Variants in FOXJ3 observed in about 807,000 individuals in gnomAD.
The protein encoded by FOXJ3 is forkhead box protein J3.
Under a neutral mutation model 76.1 loss-of-function variants are expected in FOXJ3, and 22 were observed. The ratio of observed to expected loss-of-function variants is 0.29; its 90% CI spans 0.21 to 0.41. The LOEUF is 0.41. FOXJ3 is among the 10% of genes least tolerant of loss of function. FOXJ3 has a pLI of 1.00. For missense variants in FOXJ3, 613 were observed against 762.1 expected, an observed-to-expected ratio of 0.80 and a Z score of 2.30; for synonymous variants, 269 against 261.2, an observed-to-expected ratio of 1.03 and a Z score of -0.29.
intron 1 of FOXJ3, among the ~76,000 whole-genome samples, chr1:42,331,217 A>G (rs1028603153): frequency 6.6e-6 from 1 of 152,100 alleles, no homozygotes; most frequent in Non-Finnish European, 1.5e-5. Context: ...CCTCGTCTCC[A>G]CTAAAAACGC....
chr1:42,188,959 A>G (rs766450799), intron 10 of FOXJ3, 31 bp from the exon 11 acceptor site: 6 of 1,399,188 alleles, frequency 4.3e-6, no homozygotes, highest in South Asian at 1.3e-5. Flanking sequence ...ATATGTTAGC[A>G]CTGTTATGCA....
intron 4 of FOXJ3, among the ~76,000 whole-genome samples, chr1:42,247,411 T>C (rs980267477): frequency 2.0e-5 from 3 of 152,096 alleles, no homozygotes; most frequent in Non-Finnish European, 4.4e-5. Flanking sequence ...CTAAAATATA[T>C]AAAGAACTCT....
At chr1:42,207,890 T>G (rs1646891790) in intron 5 of FOXJ3, among the ~76,000 whole-genome samples, 2 of 152,194 alleles carry the variant, frequency 1.3e-5, no homozygotes. Context: ...TATTTATGCC[T>G]CAGTTTTGGT....
intron 8 of FOXJ3, among the ~76,000 whole-genome samples, chr1:42,193,683 AG>A (rs1387668435): frequency 2.6e-5 from 4 of 152,234 alleles, no homozygotes; most frequent in African/African-American, 9.6e-5. Flanking sequence ...ATTAACTGAC[AG>A]TAAGTATTAA....
intron 2 of FOXJ3, among the ~76,000 whole-genome samples, chr1:42,280,895 T>C (rs1652658084): frequency 1.3e-5 from 2 of 152,228 alleles, no homozygotes; most frequent in Non-Finnish European, 2.9e-5. Flanking sequence ...TCAATAAAGA[T>C]TGGCTATTTT....
At chr1:42,217,203 C>T (rs1458772829) in intron 5 of FOXJ3, among the ~76,000 whole-genome samples, 1 of 152,100 alleles carries the variant, frequency 6.6e-6, no homozygotes, top group Non-Finnish European at 1.5e-5. Flanking sequence ...TTTTTATATA[C>T]TAGCTACAAG....
chr1:42,280,282 C>A, intron 2 of FOXJ3: 2 of 982,826 alleles, frequency 2.0e-6, no homozygotes, highest in African/African-American at 3.5e-5. Context: ...CACGAGGATT[C>A]TACCTGCACT....
At position 42,209,401 on chromosome 1, in the gene FOXJ3, A is replaced by T. The variant is rs955172313; in HGVS notation, c.529-3538T>A. ...TCATGCTGTGAACTTTTTTTCCTAGAAGCAACACAGGAACTTAACAGAAAA... is the reference window on the plus strand; with the variant it reads ...TCATGCTGTGAACTTTTTTTCCTAGTAGCAACACAGGAACTTAACAGAAAA... On this transcript the variant is annotated intron_variant, in intron 5 of 12. Coordinates refer to ENST00000361346, the MANE Select transcript of FOXJ3 (RefSeq NM_014947.5). Among the ~76,000 whole-genome samples, 5 of 152,206 alleles carry T rather than the reference A, an allele frequency of 3.3e-5. No individual in the cohort carries two copies. The East Asian group carries it at 9.6e-4, about 29-fold the overall frequency.
At chr1:42,307,685 C>T (rs1329705198) in intron 2 of FOXJ3, among the ~76,000 whole-genome samples, 2 of 152,126 alleles carry the variant, frequency 1.3e-5, no homozygotes, top group African/African-American at 4.8e-5. Context: ...ACCAAAATGT[C>T]AGAGCAATTT....
intron 11 of FOXJ3, among the ~76,000 whole-genome samples, chr1:42,182,437 C>A (rs1646343812): frequency 6.6e-6 from 1 of 152,198 alleles, no homozygotes; most frequent in Admixed American, 6.5e-5. Flanking sequence ...AAAGGCTAAC[C>A]TGACTTGCCC....
intron 5 of FOXJ3, among the ~76,000 whole-genome samples, chr1:42,222,172 C>T (rs1195544770): frequency 1.3e-5 from 2 of 151,534 alleles, no homozygotes; most frequent in African/African-American, 2.4e-5. Context: ...GTCAACCATA[C>T]TGACCTGTCT....
chr1:42,322,920 G>A (rs1356718467), intron 1 of FOXJ3, among the ~76,000 whole-genome samples: 1 of 152,128 alleles, frequency 6.6e-6, no homozygotes, highest in Non-Finnish European at 1.5e-5. Flanking sequence ...CTGGAGTATT[G>A]TATTCTGAGG....
At chr1:42,246,569 A>G (rs547990244) in intron 4 of FOXJ3, among the ~76,000 whole-genome samples, 4 of 152,188 alleles carry the variant, frequency 2.6e-5, no homozygotes, top group African/African-American at 7.2e-5. Context: ...GGGAGCTCTC[A>G]TATACTTTTG....
intron 7 of FOXJ3, among the ~76,000 whole-genome samples, chr1:42,195,925 G>A (rs1167681743): frequency 6.6e-6 from 1 of 152,260 alleles, no homozygotes; most frequent in East Asian, 1.9e-4. Context: ...CCTGGAACAA[G>A]TGGTTTTGAG....
At chr1:42,279,235 G>A (rs1652516252) in intron 2 of FOXJ3, among the ~76,000 whole-genome samples, 1 of 152,132 alleles carries the variant, frequency 6.6e-6, no homozygotes, top group Admixed American at 6.6e-5. Flanking sequence ...GAGTAAAGCA[G>A]GGTATACAAG....
In FOXJ3 at chr1:42,189,400, A is replaced by C. The variant is rs1569788652; in HGVS notation, c.1356T>G (p.Val452=). The C allele has an allele frequency of 6.2e-7, 1 of 1,604,340 alleles. No individual in the cohort carries two copies. Among genetic ancestry groups the C allele is most frequent in the Non-Finnish European group, 8.5e-7 (1 of 1,171,514 alleles). ...PPQQVSCNSG[V]SNDWYATLDM... is the part of the protein sequence containing the mutation. ...CAAGTGTCGCATACCAATCATTTGA[A>C]ACACCTATAAAATATTGACAACAGT... The change falls in exon 10 of 13, where the codon GTT becomes GTG. Residue 452 remains valine (V), a synonymous_variant. Transcript: ENST00000361346.
At chr1:42,227,992 A>G in intron 4 of FOXJ3, 26 bp from the exon 5 acceptor site, 1 of 1,162,896 alleles carries the variant, frequency 8.6e-7, no homozygotes, top group Non-Finnish European at 1.2e-6. Context: ...TTATATTAAC[A>G]GTATATTACA....
chr1:42,296,623 G>A (rs1464813756), intron 2 of FOXJ3, among the ~76,000 whole-genome samples: 2 of 152,188 alleles, frequency 1.3e-5, no homozygotes, highest in African/African-American at 4.8e-5. Flanking sequence ...TTGTAGGTAT[G>A]TGGCTTTATT....
At position 42,181,977 on chromosome 1, in the gene FOXJ3, G is replaced by A. The variant is rs200321088; in HGVS notation, c.1693C>T (p.Pro565Ser). The stretch of plus-strand genomic sequence containing the variant: ...GGGATATGAGGATAACCAGGGGGTG[G>A]CATCACTGAAGGAGGGAGATTTTGC... ...SRQNLPPSVMPPPGYPHIPQA... is the reference protein window; with the variant it reads ...SRQNLPPSVMSPPGYPHIPQA... The change falls in exon 12 of 13, where the codon CCA becomes TCA. Residue 565 changes from proline to serine, a missense_variant. By Grantham distance (74) the Pro-to-Ser change is moderately conservative (BLOSUM62 -1). Around this residue, in one of 3 missense-constraint regions of FOXJ3, gnomAD observed 526 missense variants for 601.4 expected, o/e 0.87. Transcript: ENST00000361346. 40 of 1,613,352 alleles carry A rather than the reference G, an allele frequency of 2.5e-5. No individual in the cohort carries two copies. In the East Asian group the frequency reaches 8.9e-4, roughly 36 times the overall value.
Sources: allele counts gnomAD v4.1 joint callset (sites outside exome capture counted in the v4.1 genomes callset), GRCh38; gene constraint gnomAD v4.1.1; regional missense constraint gnomAD v4.1.1; transcripts MANE v1.5; gene names NCBI Gene and HGNC (gene_info 2026-07-23, HGNC 2026-07-21).